TRPC6: variants seen among roughly 807,000 people sequenced by gnomAD.
The protein encoded by TRPC6 is short transient receptor potential channel 6.
A neutral mutation model predicts 90.7 loss-of-function variants in TRPC6; 55 were observed. The ratio of observed to expected loss-of-function variants is 0.61; its 90% CI spans 0.49 to 0.76. The LOEUF is 0.76. TRPC6 is among the 30% of genes least tolerant of loss of function. TRPC6 has a pLI of 0.00. For synonymous variants in TRPC6, 393 were observed against 393.0 expected (o/e 1.00, Z 0.00); for missense variants, 989 against 1,122.7 (o/e 0.88, Z 1.70).
intron 1 of TRPC6, among the ~76,000 whole-genome samples, chr11:101,523,612 A>C (rs1328302678): frequency 6.6e-6 from 1 of 152,252 alleles, no homozygotes; most frequent in Non-Finnish European, 1.5e-5. Context: ...GAGAGTAAAA[A>C]AGCAAGAATT....
intron 1 of TRPC6, among the ~76,000 whole-genome samples, chr11:101,558,282 T>TGTATACATGTATACGGGTATAC (rs1565243296): frequency 1.2e-5 from 1 of 86,138 alleles, no homozygotes; most frequent in African/African-American, 4.6e-5. Flanking sequence ...TACATGTATA[T>TGTATACATGTATACGGGTATAC]ATGTATACAT....
chr11:101,518,091 A>G (rs1024405924), intron 1 of TRPC6, among the ~76,000 whole-genome samples: 3 of 152,218 alleles, frequency 2.0e-5, no homozygotes, highest in Non-Finnish European at 4.4e-5. Flanking sequence ...ATATCTGCTC[A>G]TGAGATGTTA....
intron 1 of TRPC6, among the ~76,000 whole-genome samples, chr11:101,540,558 A>C (rs1263046976): frequency 6.6e-6 from 1 of 152,214 alleles, no homozygotes; most frequent in Non-Finnish European, 1.5e-5. Context: ...TGTAATGTAA[A>C]GAGACATCCA....
chr11:101,488,788 A>G (rs1859735444), intron 4 of TRPC6, 149 bp downstream of exon 4: 3 of 872,172 alleles, frequency 3.4e-6, no homozygotes, highest in Non-Finnish European at 3.5e-6. Context: ...ATTTAAACCC[A>G]AACAGGAATT....
intron 1 of TRPC6, among the ~76,000 whole-genome samples, chr11:101,531,576 A>C (rs1017507664): frequency 2.0e-5 from 3 of 152,240 alleles, no homozygotes; most frequent in African/African-American, 7.2e-5. Flanking sequence ...ATCTGATTTT[A>C]CTGAAAGATT....
intron 1 of TRPC6, among the ~76,000 whole-genome samples, chr11:101,520,172 C>A (rs973473800): frequency 7.2e-5 from 11 of 152,076 alleles, no homozygotes; most frequent in Admixed American, 7.2e-4. Context: ...GGTGGATTTT[C>A]CCCTTTCCAT....
chr11:101,484,211 G>T (rs962353453), intron 4 of TRPC6, among the ~76,000 whole-genome samples: 7 of 152,150 alleles, frequency 4.6e-5, no homozygotes, highest in Non-Finnish European at 7.4e-5. Flanking sequence ...GCCCACTTTC[G>T]ATGAAGAAAC....
At chr11:101,557,031 C>T (rs1283461215) in intron 1 of TRPC6, among the ~76,000 whole-genome samples, 2 of 152,084 alleles carry the variant, frequency 1.3e-5, no homozygotes, top group Non-Finnish European at 1.5e-5. Flanking sequence ...AAAACTCTTA[C>T]CAGATTACGT....
intron 1 of TRPC6, among the ~76,000 whole-genome samples, chr11:101,525,198 G>A (rs1193649705): frequency 6.6e-6 from 1 of 152,216 alleles, no homozygotes; most frequent in African/African-American, 2.4e-5. Context: ...GCAATGGAAA[G>A]GCAAGGTGGT....
chr11:101,545,255 A>T (rs1009355002), intron 1 of TRPC6, among the ~76,000 whole-genome samples: 1 of 152,188 alleles, frequency 6.6e-6, no homozygotes, highest in Non-Finnish European at 1.5e-5. Context: ...TAAATAAGCA[A>T]TACAACAACT....
At chr11:101,577,779 T>C (rs528459900) in intron 1 of TRPC6, among the ~76,000 whole-genome samples, 3 of 152,268 alleles carry the variant, frequency 2.0e-5, no homozygotes, top group African/African-American at 7.2e-5. Flanking sequence ...TTCTCTTTGG[T>C]AAAGATATAG....
chr11:101,518,994 A>G (rs941960703), intron 1 of TRPC6, among the ~76,000 whole-genome samples: 1 of 152,204 alleles, frequency 6.6e-6, no homozygotes, highest in African/African-American at 2.4e-5. Context: ...AAATTAAAAC[A>G]ATTGAATTCA....
intron 4 of TRPC6, among the ~76,000 whole-genome samples, chr11:101,485,978 A>T (rs528586727): frequency 6.6e-6 from 1 of 152,180 alleles, no homozygotes; most frequent in South Asian, 2.1e-4. Flanking sequence ...ACCTTTATGT[A>T]ACACTACTCT....
chr11:101,563,388 G>A (rs7115586), intron 1 of TRPC6, among the ~76,000 whole-genome samples: 4,380 of 152,270 alleles, frequency 0.029, 116 homozygotes, highest in African/African-American at 0.069. Flanking sequence ...GCATGTGTAC[G>A]TGTCTGTCTT....
At chr11:101,541,410 G>A (rs1359002047) in intron 1 of TRPC6, among the ~76,000 whole-genome samples, 3 of 152,176 alleles carry the variant, frequency 2.0e-5, no homozygotes, top group South Asian at 4.1e-4. Flanking sequence ...CGCCCAGGCC[G>A]GAGTGCAGTA....
chr11:101,465,543 T>C (rs1490214584), intron 10 of TRPC6, among the ~76,000 whole-genome samples: 1 of 152,210 alleles, frequency 6.6e-6, no homozygotes, highest in East Asian at 1.9e-4. Flanking sequence ...AAGTTGATCT[T>C]CAATCTCTGA....
At chr11:101,499,069 A>G (rs556603035) in intron 2 of TRPC6, among the ~76,000 whole-genome samples, 16 of 152,290 alleles carry the variant, frequency 1.1e-4, no homozygotes, top group African/African-American at 3.6e-4. Flanking sequence ...TTGCCTCTTC[A>G]TTTGCCAACA....
intron 1 of TRPC6, among the ~76,000 whole-genome samples, chr11:101,561,705 A>C (rs1861718204): frequency 6.6e-6 from 1 of 152,068 alleles, no homozygotes; most frequent in Admixed American, 6.6e-5. Context: ...TTCCAGGGCT[A>C]AACTTAAACA....
intron 1 of TRPC6, among the ~76,000 whole-genome samples, chr11:101,529,402 A>G (rs1860857267): frequency 6.6e-6 from 1 of 152,230 alleles, no homozygotes; most frequent in African/African-American, 2.4e-5. Context: ...CTGCTTCATA[A>G]AAAGAATTAA....
Sources: gnomAD v4.1 joint callset for allele counts (sites outside exome capture counted in the v4.1 genomes callset) on GRCh38, gnomAD v4.1.1 for gene constraint, MANE v1.5 for transcripts, NCBI Gene and HGNC (gene_info 2026-07-23, HGNC 2026-07-21) for gene names.